Variants in ZC3H12B observed in about 807,000 individuals in gnomAD.
ZC3H12B encodes the protein zinc finger CCCH-type containing 12B.
In ZC3H12B, 7 loss-of-function variants were observed where a neutral mutation model predicts 43.9. That is an observed-to-expected ratio of 0.16 (90% CI 0.09 to 0.30). The LOEUF (loss-of-function observed/expected upper bound fraction) is 0.30. ZC3H12B is among the 10% of genes least tolerant of loss of function. The pLI is 1.00. For missense variants in ZC3H12B, 475 were observed against 670.2 expected (o/e 0.71, Z 3.22); for synonymous variants, 222 against 241.7 (o/e 0.92, Z 0.76).
At chrX:65,337,623 C>T in the ZC3H12B span, among the ~76,000 whole-genome samples, 1 of 112,240 alleles carries the variant, frequency 8.9e-6, no homozygotes, top group Non-Finnish European at 1.9e-5. Flanking sequence ...TTCTATTCCA[C>T]AAGTAGATAC....
Position 65,439,445 on chromosome X carries a change from T to C in ZC3H12B, n.407+40741T>C, listed in dbSNP as rs938688743. The stretch of plus-strand genomic sequence containing the variant: ...ATGGGACCAATTAATAATGATTCCA[T>C]AGGAATCGTTTGTGCAGCACCTCTG... On this transcript the variant is annotated intron_variant and non_coding_transcript_variant, in intron 3 of 5. Transcript: ENST00000617377. Among the ~76,000 whole-genome samples the C allele has an allele frequency of 3.6e-5, 4 of 111,734 alleles. No homozygotes were observed. In the Admixed American group the frequency reaches 3.8e-4, roughly 11 times the overall value.
intron 4 of ZC3H12B, among the ~76,000 whole-genome samples, chrX:65,500,358 G>A (rs2068347482): frequency 8.9e-6 from 1 of 112,381 alleles, no homozygotes; most frequent in Non-Finnish European, 1.9e-5. Flanking sequence ...ATGTGTCTCA[G>A]GCAGGTGACT....
At chrX:65,322,759 T>G in the ZC3H12B span, among the ~76,000 whole-genome samples, 1 of 111,783 alleles carries the variant, frequency 8.9e-6, no homozygotes, top group Non-Finnish European at 1.9e-5. Context: ...TTAGAATTTT[T>G]TTTTCTGTTT....
chrX:65,418,901 A>C (rs1256344294), intron 3 of ZC3H12B, among the ~76,000 whole-genome samples: 1 of 111,851 alleles, frequency 8.9e-6, no homozygotes, highest in Non-Finnish European at 1.9e-5. Context: ...CCCCAAAGGG[A>C]CCTATGGCCT....
chrX:65,443,481 G>A (rs755318991), intron 3 of ZC3H12B, among the ~76,000 whole-genome samples: 1 of 112,072 alleles, frequency 8.9e-6, no homozygotes, highest in South Asian at 3.8e-4. Context: ...TCAGAGCTGA[G>A]AGCCCCAAAC....
At chrX:65,251,350 A>G in the ZC3H12B span, among the ~76,000 whole-genome samples, 2 of 111,431 alleles carry the variant, frequency 1.8e-5, no homozygotes, top group Non-Finnish European at 3.8e-5. Flanking sequence ...GCCTTGTAGT[A>G]TAGTTTGAAA....
the ZC3H12B span, among the ~76,000 whole-genome samples, chrX:65,348,238 T>A: frequency 1.8e-5 from 2 of 111,624 alleles, no homozygotes; most frequent in Admixed American, 9.5e-5. Context: ...AATTAAAAAA[T>A]AATCAAAAAT....
the ZC3H12B span, among the ~76,000 whole-genome samples, chrX:65,325,996 T>C: frequency 9.0e-6 from 1 of 111,372 alleles, no homozygotes; most frequent in Non-Finnish European, 1.9e-5. Context: ...AAACCAAATA[T>C]CCATATACAA....
At chrX:65,315,942 C>T in the ZC3H12B span, among the ~76,000 whole-genome samples, 1 of 111,588 alleles carries the variant, frequency 9.0e-6, no homozygotes, top group South Asian at 3.8e-4. Context: ...CATACAGGAG[C>T]TGAAAAATGG....
At chrX:65,129,451 A>T in the ZC3H12B span, among the ~76,000 whole-genome samples, 1 of 109,159 alleles carries the variant, frequency 9.2e-6, no homozygotes, top group African/African-American at 3.3e-5. Context: ...TTGGGTAGGT[A>T]ATGGAAAATT....
chrX:65,240,892 G>A, the ZC3H12B span, among the ~76,000 whole-genome samples: 1 of 111,715 alleles, frequency 9.0e-6, no homozygotes, highest in African/African-American at 3.3e-5. Flanking sequence ...CCCCTTACCT[G>A]GAGTTATCAC....
chrX:65,051,054 G>T, the ZC3H12B span, among the ~76,000 whole-genome samples: 1 of 111,372 alleles, frequency 9.0e-6, no homozygotes, highest in African/African-American at 3.3e-5. Context: ...AGTATGTTCA[G>T]ATTTTCTCTT....
At chrX:65,211,961 T>C in the ZC3H12B span, among the ~76,000 whole-genome samples, 1 of 71,144 alleles carries the variant, frequency 1.4e-5, no homozygotes, top group Non-Finnish European at 2.3e-5. Context: ...TAATATATAA[T>C]ATATGTTATG....
In ZC3H12B at chrX:65,380,172, G is replaced by A. The variant is rs779913103; in HGVS notation, n.295+11174G>A. On this transcript the variant is annotated intron_variant and non_coding_transcript_variant, in intron 2 of 5. Coordinates refer to the ZC3H12B transcript ENST00000617377. The stretch of plus-strand genomic sequence containing the variant: ...CATAATTGTCAGATTCACCAAAGTT[G>A]AAGTGAAGGAAAAAATGTTAAGGGC... Among the ~76,000 whole-genome samples the A allele has an allele frequency of 3.6e-5, 4 of 111,734 alleles. No individual in the cohort carries two copies. In the East Asian group the frequency reaches 1.1e-3, roughly 31 times the overall value.
intron 3 of ZC3H12B, among the ~76,000 whole-genome samples, chrX:65,458,729 T>A (rs112544524): frequency 0.083 from 9,204 of 111,520 alleles, 1,028 homozygotes; most frequent in African/African-American, 0.29. Context: ...GGGAAACTTA[T>A]AGCACTAAAT....
chrX:65,206,743 A>G, the ZC3H12B span, among the ~76,000 whole-genome samples: 3 of 111,606 alleles, frequency 2.7e-5, no homozygotes, highest in African/African-American at 9.8e-5. Context: ...AGTGGGAAAA[A>G]ATCTTTGCAA....
At chrX:65,446,462 T>G (rs1180592075) in intron 3 of ZC3H12B, among the ~76,000 whole-genome samples, 1 of 111,641 alleles carries the variant, frequency 9.0e-6, no homozygotes, top group Non-Finnish European at 1.9e-5. Context: ...CTTTCAAATT[T>G]ATTTAGGATC....
At chrX:65,122,651 A>G in the ZC3H12B span, among the ~76,000 whole-genome samples, 2 of 111,330 alleles carry the variant, frequency 1.8e-5, no homozygotes, top group Non-Finnish European at 3.8e-5. Flanking sequence ...TCTCACGTGC[A>G]GAGACACACA....
the ZC3H12B span, among the ~76,000 whole-genome samples, chrX:65,140,290 G>T: frequency 9.0e-6 from 1 of 111,186 alleles, no homozygotes; most frequent in Non-Finnish European, 1.9e-5. Flanking sequence ...AAATTGATGA[G>T]AGTTTTTATT....
Sources: gnomAD v4.1 joint callset for allele counts (sites outside exome capture counted in the v4.1 genomes callset) on GRCh38, gnomAD v4.1.1 for gene constraint, MANE v1.5 for transcripts, NCBI Gene and HGNC (gene_info 2026-07-23, HGNC 2026-07-21) for gene names.